The following ACTR3 variants were observed in gnomAD, a reference collection of about 807,000 sequenced individuals.
ACTR3 encodes the protein actin related protein 3.
A neutral mutation model predicts 56.8 loss-of-function variants in ACTR3; 12 were observed. That is an observed-to-expected ratio of 0.21 (90% CI 0.14 to 0.34). The LOEUF (loss-of-function observed/expected upper bound fraction) is 0.34, where lower values mean the gene tolerates loss of function less well. Among genes scored for constraint, ACTR3 ranks in the 10% least tolerant of loss-of-function variants. The pLI is 1.00. For missense variants in ACTR3, 282 were observed against 512.5 expected (o/e 0.55, Z 4.34); for synonymous variants, 162 against 167.4 (o/e 0.97, Z 0.25).
chr2:113,889,941 G>A (rs926139836), upstream of ACTR3: 13 of 538,826 alleles, frequency 2.4e-5, no homozygotes, highest in Admixed American at 7.3e-5. Context: ...GCCTGGCCGG[G>A]GCGTCGGCAC....
chr2:113,914,525 C>T (rs941965790), intron 2 of ACTR3, among the ~76,000 whole-genome samples: 1 of 150,352 alleles, frequency 6.7e-6, no homozygotes, highest in Non-Finnish European at 1.5e-5. Flanking sequence ...GCAGGAGAAT[C>T]GCTCGAACCC....
In ACTR3 at chr2:113,958,280, C is replaced by A. The variant is rs1238569207; in HGVS notation, c.*825C>A. The A allele has an allele frequency of 1.3e-5, 2 of 152,572 alleles. No individual in the cohort carries two copies. Among genetic ancestry groups the A allele is most frequent in the Non-Finnish European group, 2.9e-5 (2 of 67,980 alleles). The allele number at this position is 152,572 out of a possible 1,614,324, so 9.5% of individuals were successfully genotyped here. ...TAATACTTGTTTCAGCCTCTTTAAT[C>A]TCTTTATAAGTTAACTAATAAATCT... On this transcript the variant is annotated 3_prime_UTR_variant, in exon 12 of 12. Coordinates refer to ENST00000263238, the MANE Select transcript of ACTR3 (RefSeq NM_005721.5).
intron 1 of ACTR3, among the ~76,000 whole-genome samples, chr2:113,893,607 A>G (rs13001665): frequency 0.074 from 11,184 of 152,084 alleles, 460 homozygotes; most frequent in African/African-American, 0.1. Flanking sequence ...GGTTTTTTTT[A>G]AATGCATGTT....
At chr2:113,936,357 T>A (rs1256159515) in intron 6 of ACTR3, among the ~76,000 whole-genome samples, 1 of 151,844 alleles carries the variant, frequency 6.6e-6, no homozygotes, top group Non-Finnish European at 1.5e-5. Context: ...CTTTTTATTG[T>A]TTACTTTTCC....
At chr2:113,912,145 G>A (rs1248869573) in intron 1 of ACTR3, among the ~76,000 whole-genome samples, 1 of 151,880 alleles carries the variant, frequency 6.6e-6, no homozygotes, top group Non-Finnish European at 1.5e-5. Context: ...CAAAGTGCTA[G>A]TGTTACAGGT....
At chr2:113,931,455 T>G in intron 5 of ACTR3, 59 bp downstream of exon 5, 1 of 1,195,420 alleles carries the variant, frequency 8.4e-7, no homozygotes, top group Non-Finnish European at 1.2e-6. Flanking sequence ...TTTAATTTGC[T>G]GCCTAAAATA....
intron 2 of ACTR3, 106 bp from the exon 3 acceptor site, chr2:113,916,778 A>G (rs1055478688): frequency 1.1e-6 from 1 of 877,564 alleles, no homozygotes; most frequent in African/African-American, 1.8e-5. Context: ...TAAATAGGCT[A>G]GGTCATGTTT....
intron 1 of ACTR3, among the ~76,000 whole-genome samples, chr2:113,902,823 C>T (rs1409217934): frequency 6.6e-6 from 1 of 152,212 alleles, no homozygotes; most frequent in Non-Finnish European, 1.5e-5. Context: ...TGGCCTCAAA[C>T]TCCTGACCTC....
At position 113,903,192 on chromosome 2, in the gene ACTR3, G is replaced by A. The variant is rs530003498; in HGVS notation, c.45-9980G>A. ...AACTGCCGTGCTACTTATTTATCAG[G>A]TTCTATTTTAGATCCCCATATATGA... On this transcript the variant is annotated intron_variant, in intron 1 of 11. Coordinates refer to ENST00000263238, the MANE Select transcript of ACTR3 (RefSeq NM_005721.5). Among the ~76,000 whole-genome samples the A allele has an allele frequency of 1.4e-4, 21 of 152,188 alleles. No homozygotes were observed. In the East Asian group the frequency reaches 4.1e-3, roughly 29 times the overall value.
chr2:113,956,991 T>C (rs948056865), intron 11 of ACTR3, among the ~76,000 whole-genome samples: 2 of 152,206 alleles, frequency 1.3e-5, no homozygotes, highest in Non-Finnish European at 2.9e-5. Flanking sequence ...GGAGTAGTTT[T>C]ATCTGTAGTT....
At chr2:113,919,479 A>G (rs934558378) in intron 3 of ACTR3, among the ~76,000 whole-genome samples, 5 of 152,170 alleles carry the variant, frequency 3.3e-5, no homozygotes, top group African/African-American at 1.2e-4. Context: ...TCATTGGGTC[A>G]TTTAACATGG....
intron 4 of ACTR3, among the ~76,000 whole-genome samples, chr2:113,929,727 A>C (rs1679684542): frequency 1.3e-5 from 2 of 151,910 alleles, no homozygotes; most frequent in African/African-American, 4.8e-5. Flanking sequence ...CCCAGGCTGG[A>C]GTGCAGTGGT....
chr2:113,926,120 G>A (rs1679615562), intron 3 of ACTR3, among the ~76,000 whole-genome samples: 1 of 152,080 alleles, frequency 6.6e-6, no homozygotes, highest in South Asian at 2.1e-4. Context: ...CTTAGGCATC[G>A]CTCAGCTTCT....
intron 10 of ACTR3, 25 bp downstream of exon 10, chr2:113,951,870 G>C (rs1680126718): frequency 6.2e-7 from 1 of 1,611,628 alleles, no homozygotes; most frequent in African/African-American, 1.3e-5. Flanking sequence ...TTATTGGTGA[G>C]AAGGTTGAGG....
intron 1 of ACTR3, 58 bp from the exon 2 acceptor site, chr2:113,913,114 A>T: frequency 8.6e-7 from 1 of 1,161,622 alleles, no homozygotes; most frequent in South Asian, 1.4e-5. Flanking sequence ...ATTCTAAGAA[A>T]GAAATGTATA....
chr2:113,927,555 C>A, intron 4 of ACTR3, 100 bp downstream of exon 4: 1 of 737,032 alleles, frequency 1.4e-6, no homozygotes, highest in South Asian at 2.2e-5. Flanking sequence ...ATTAAATTGT[C>A]ATATGTCTAA....
intron 1 of ACTR3, among the ~76,000 whole-genome samples, chr2:113,903,439 C>G (rs1342797349): frequency 6.6e-6 from 1 of 151,282 alleles, no homozygotes; most frequent in Non-Finnish European, 1.5e-5. Flanking sequence ...CAGCCTTGGC[C>G]CACTGCAACC....
At chr2:113,910,159 C>G (rs554194353) in intron 1 of ACTR3, among the ~76,000 whole-genome samples, 1 of 152,222 alleles carries the variant, frequency 6.6e-6, no homozygotes, top group African/African-American at 2.4e-5. Flanking sequence ...GCCCCACCCT[C>G]CAACCACTGG....
chr2:113,908,965 CAT>C (rs1237879078), intron 1 of ACTR3, among the ~76,000 whole-genome samples: 1 of 152,102 alleles, frequency 6.6e-6, no homozygotes, highest in African/African-American at 2.4e-5. Flanking sequence ...TATTTCCCCT[CAT>C]ATTTTTTAAG....
Sources: allele counts gnomAD v4.1 joint callset (sites outside exome capture counted in the v4.1 genomes callset), GRCh38; gene constraint gnomAD v4.1.1; transcripts MANE v1.5; gene names NCBI Gene and HGNC (gene_info 2026-07-23, HGNC 2026-07-21).